KIF6: variants seen among roughly 807,000 people sequenced by gnomAD.
KIF6 encodes kinesin family member 6, also known as kinesin-like protein KIF6.
Under a neutral mutation model 112.7 loss-of-function variants are expected in KIF6, and 106 were observed. That is an observed-to-expected ratio of 0.94 (90% CI 0.80 to 1.11). KIF6 has a LOEUF of 1.11. KIF6 is among the 50% of genes least tolerant of loss of function. The pLI is 0.00. For synonymous variants in KIF6, 339 were observed against 339.9 expected (o/e 1.00, Z 0.03); for missense variants, 929 against 964.0 (o/e 0.96, Z 0.48).
chr6:39,348,850 G>A (rs946406780), intron 19 of KIF6, among the ~76,000 whole-genome samples: 22 of 152,302 alleles, frequency 1.4e-4, no homozygotes, highest in African/African-American at 4.1e-4. Flanking sequence ...AGGAGCAGCC[G>A]CTCTGGAGCT....
chr6:39,626,841 T>A (rs1370733511), intron 5 of KIF6, among the ~76,000 whole-genome samples: 1 of 152,144 alleles, frequency 6.6e-6, no homozygotes, highest in East Asian at 1.9e-4. Flanking sequence ...CAGGTGATTC[T>A]TACACTTAGT....
chr6:39,430,891 A>T (rs1197165173), intron 14 of KIF6, among the ~76,000 whole-genome samples, 162 bp downstream of exon 14: 3 of 152,224 alleles, frequency 2.0e-5, no homozygotes, highest in African/African-American at 7.2e-5. Flanking sequence ...ATGAAGGAGA[A>T]TTGTACCAGG....
rs143214126 is a variant in KIF6 at position 39,483,040 on chromosome 6, C to A, written c.1646-51879G>T. Among the ~76,000 whole-genome samples the A allele has an allele frequency of 9.2e-4, 140 of 152,298 alleles. 1 individual carries two copies. Among genetic ancestry groups the A allele is most frequent in the African/African-American group, 3.1e-3 (130 of 41,570 alleles). ...AGATCAATGGAAAAGTAAGGATCAT[C>A]AAAATAACAAATAATCCAAAACTTT... On this transcript the variant is annotated intron_variant, in intron 13 of 22. Transcript: ENST00000287152.
intron 16 of KIF6, among the ~76,000 whole-genome samples, chr6:39,366,727 C>A (rs1386012488): frequency 1.3e-5 from 2 of 151,944 alleles, no homozygotes; most frequent in South Asian, 2.1e-4. Context: ...AGGCCAGGAG[C>A]GGTTGGGAAG....
At chr6:39,425,895 C>T (rs1350232711) in intron 14 of KIF6, among the ~76,000 whole-genome samples, 2 of 151,954 alleles carry the variant, frequency 1.3e-5, no homozygotes. Context: ...GATGGTGCCA[C>T]ACGGTTTCTC....
chr6:39,398,003 G>A (rs1246364018), intron 15 of KIF6, among the ~76,000 whole-genome samples: 1 of 152,188 alleles, frequency 6.6e-6, no homozygotes, highest in Admixed American at 6.5e-5. Context: ...ATCTTTAGGG[G>A]AGAGAGATCC....
chr6:39,490,974 G>A (rs2150475924), intron 13 of KIF6, among the ~76,000 whole-genome samples: 1 of 152,268 alleles, frequency 6.6e-6, no homozygotes, highest in East Asian at 1.9e-4. Context: ...CACATTAGGT[G>A]TGTTAGATTG....
intron 19 of KIF6, among the ~76,000 whole-genome samples, chr6:39,356,535 G>A (rs898650326): frequency 2.6e-5 from 4 of 152,156 alleles, no homozygotes; most frequent in Admixed American, 2.0e-4. Flanking sequence ...AAAGTGCTGG[G>A]ATTACAGGCA....
At chr6:39,583,674 CTTTTTTTTTTTTTTTT>C (rs564229262) in intron 9 of KIF6, among the ~76,000 whole-genome samples, 3,331 of 71,718 alleles carry the variant, frequency 0.046, 93 homozygotes, top group Non-Finnish European at 0.058. Flanking sequence ...GATTTCACTT[CTTTTTTTTTTTTTTTT>C]TTTTTTTTTT....
chr6:39,496,139 C>T lies in KIF6; in HGVS notation c.1645+43864G>A, dbSNP rs1458117761. 3.9e-5 allele frequency among the ~76,000 whole-genome samples: 6 copies of T among 152,186 alleles called. No individual in the cohort carries two copies. The East Asian group carries it at 5.8e-4, about 15-fold the overall frequency. ...CTCTAAACTGCCTGCTCTGCTTCTT[C>T]GAATCCCACATAATCGGCATCCCAT... On this transcript the variant is annotated intron_variant, in intron 13 of 22. Transcript: ENST00000287152.
chr6:39,439,411 G>T (rs970243232), intron 13 of KIF6, among the ~76,000 whole-genome samples: 95 of 152,174 alleles, frequency 6.2e-4, no homozygotes, highest in Non-Finnish European at 1.2e-3. Flanking sequence ...ATGATTAAGA[G>T]AAGCCTGCTG....
intron 13 of KIF6, among the ~76,000 whole-genome samples, chr6:39,471,145 C>T (rs1425270656): frequency 1.3e-5 from 2 of 152,176 alleles, no homozygotes; most frequent in Non-Finnish European, 2.9e-5. Context: ...TTCCTTCTCT[C>T]CTGTTCTTCT....
In KIF6 at chr6:39,415,763, C is replaced by T. The variant is rs537851027; in HGVS notation, c.1810+4185G>A. Among the ~76,000 whole-genome samples, 7 of 152,180 alleles carry T rather than the reference C, an allele frequency of 4.6e-5. No individual in the cohort carries two copies. In the East Asian group the frequency reaches 5.8e-4, roughly 13 times the overall value. On this transcript the variant is annotated intron_variant, in intron 15 of 22. Transcript: ENST00000287152. ...GCAAAAACAGTCTGGTTTATTCTGC[C>T]GACAGAGACCCAGATCTGAGAAATG...
intron 13 of KIF6, among the ~76,000 whole-genome samples, chr6:39,517,473 C>T (rs1466501017): frequency 6.6e-6 from 1 of 152,182 alleles, no homozygotes; most frequent in African/African-American, 2.4e-5. Context: ...GAACCACCAC[C>T]TATGGCACTG....
At chr6:39,606,732 C>T (rs1782910001) in intron 6 of KIF6, among the ~76,000 whole-genome samples, 1 of 152,140 alleles carries the variant, frequency 6.6e-6, no homozygotes, top group Non-Finnish European at 1.5e-5. Context: ...ATAAAAATGG[C>T]TTGTATTTAA....
chr6:39,447,039 C>T (rs9394594), intron 13 of KIF6, among the ~76,000 whole-genome samples: 8,467 of 152,186 alleles, frequency 0.056, 448 homozygotes, highest in East Asian at 0.24. Flanking sequence ...CAATCTGTTA[C>T]GAGTGAAAGA....
intron 3 of KIF6, among the ~76,000 whole-genome samples, chr6:39,659,497 A>G (rs1292780388): frequency 1.3e-5 from 2 of 152,062 alleles, no homozygotes; most frequent in African/African-American, 4.8e-5. Flanking sequence ...GTGTGTTCCC[A>G]CCCAAATCTC....
At chr6:39,488,380 G>T (rs1219641919) in intron 13 of KIF6, among the ~76,000 whole-genome samples, 1 of 152,186 alleles carries the variant, frequency 6.6e-6, no homozygotes, top group Non-Finnish European at 1.5e-5. Context: ...TGTGGTTTCT[G>T]CATAGTCTGC....
chr6:39,649,272 T>G (rs1264340401), intron 3 of KIF6, among the ~76,000 whole-genome samples: 4 of 152,178 alleles, frequency 2.6e-5, no homozygotes, highest in Non-Finnish European at 5.9e-5. Flanking sequence ...TAAATCCTGA[T>G]AGAGAAATAA....
Sources: gnomAD v4.1 joint callset for allele counts (sites outside exome capture counted in the v4.1 genomes callset) on GRCh38, gnomAD v4.1.1 for gene constraint, MANE v1.5 for transcripts, NCBI Gene and HGNC (gene_info 2026-07-23, HGNC 2026-07-21) for gene names.